CCDC91: variants seen among roughly 807,000 people sequenced by gnomAD.
The protein encoded by CCDC91 is coiled-coil domain containing 91.
In CCDC91, 48 loss-of-function variants were observed where a neutral mutation model predicts 63.2. That is an observed-to-expected ratio of 0.76 (90% CI 0.60 to 0.97). The LOEUF is 0.97. CCDC91 is among the 50% of genes least tolerant of loss of function. CCDC91 has a pLI of 0.00. For synonymous variants in CCDC91, 167 were observed against 165.8 expected, an observed-to-expected ratio of 1.01 and a Z score of -0.06; for missense variants, 500 against 494.6, an observed-to-expected ratio of 1.01 and a Z score of -0.10.
At chr12:28,467,757 G>A (rs1012150113) in intron 11 of CCDC91, among the ~76,000 whole-genome samples, 1 of 151,950 alleles carries the variant, frequency 6.6e-6, no homozygotes, top group African/African-American at 2.4e-5. Context: ...ATAATATCAA[G>A]CATCTTCTCT....
rs558936149 is a variant in CCDC91, at chr12:28,220,144, A to G, written c.-15+29503A>G. ...TTGAGTTTAAATATATCATTTTACT[A>G]TTTGTTTTCCTTTTTTTCCTTCTGC... is the stretch of plus-strand genomic sequence containing the variant. On this transcript the variant is annotated intron_variant, in intron 1 of 12. Transcript: ENST00000536442. Among the ~76,000 whole-genome samples the G allele has an allele frequency of 2.5e-4, 38 of 151,956 alleles. No individual in the cohort carries two copies. In the South Asian group the frequency reaches 7.1e-3, roughly 28 times the overall value.
chr12:28,396,643 TTTGTGTGTGTG>T (rs906121473), intron 8 of CCDC91, among the ~76,000 whole-genome samples: 1 of 6,958 alleles, frequency 1.4e-4, no homozygotes, highest in African/African-American at 2.8e-4. Context: ...TAAAGGAGAT[TTTGTGTGTGTG>T]TGTGTGTGTG....
intron 6 of CCDC91, among the ~76,000 whole-genome samples, chr12:28,316,502 ATCTT>A (rs1187321601): frequency 7.9e-6 from 1 of 127,232 alleles, no homozygotes; most frequent in Non-Finnish European, 1.7e-5. Context: ...TGAGTTTTTA[ATCTT>A]TCTTTTTATT....
chr12:28,530,941 C>T (rs1317693639), intron 12 of CCDC91, among the ~76,000 whole-genome samples: 1 of 152,114 alleles, frequency 6.6e-6, no homozygotes, highest in East Asian at 1.9e-4. Context: ...CTCTCTCTCA[C>T]CTTCTGTTTG....
intron 1 of CCDC91, among the ~76,000 whole-genome samples, chr12:28,246,557 G>C (rs185877990): frequency 6.6e-6 from 1 of 152,222 alleles, no homozygotes; most frequent in Admixed American, 6.5e-5. Context: ...TCCCATAGAG[G>C]CATGGATTTG....
rs149708376 is a variant in CCDC91, at chr12:28,429,947, C to A, written c.763-20214C>A. 3.5e-3 allele frequency among the ~76,000 whole-genome samples: 537 copies of A among 151,972 alleles called. 7 individuals are homozygous for A. Among genetic ancestry groups the A allele is most frequent in the African/African-American group, 0.013 (520 of 41,508 alleles). On this transcript the variant is annotated intron_variant, in intron 8 of 12. Transcript: ENST00000536442. ...AATCTTTAGTGGAAATTATTTTGAC[C>A]TTTTGTGATTTTGAGTCACTTCATT...
At chr12:28,205,834 C>G (rs11049458) in intron 1 of CCDC91, among the ~76,000 whole-genome samples, 39,583 of 151,964 alleles carry the variant, frequency 0.26, 5,390 homozygotes, top group Non-Finnish European at 0.31. Context: ...CTCAAATATA[C>G]AAGTATAGAG....
intron 1 of CCDC91, among the ~76,000 whole-genome samples, chr12:28,192,662 T>A (rs1565584015): frequency 1.3e-5 from 2 of 152,210 alleles, no homozygotes; most frequent in Non-Finnish European, 2.9e-5. Flanking sequence ...TTGGTCTCCT[T>A]ACTGTTCCTC....
chr12:28,414,570 T>C (rs1947522506), intron 8 of CCDC91, among the ~76,000 whole-genome samples: 1 of 152,220 alleles, frequency 6.6e-6, no homozygotes, highest in African/African-American at 2.4e-5. Context: ...GGGTGCTTTA[T>C]GCCTGGTCTC....
intron 3 of CCDC91, among the ~76,000 whole-genome samples, chr12:28,280,841 G>A (rs920542590): frequency 6.6e-6 from 1 of 151,448 alleles, no homozygotes; most frequent in Non-Finnish European, 1.5e-5. Flanking sequence ...GCCAGGTATG[G>A]TGGCATGCAT....
intron 1 of CCDC91, chr12:28,255,589 C>A (rs989699572): frequency 1.1e-4 from 16 of 152,094 alleles, no homozygotes; most frequent in African/African-American, 3.9e-4. Context: ...AGGTGCTATA[C>A]GTGGATGACC....
intron 8 of CCDC91, among the ~76,000 whole-genome samples, chr12:28,406,247 T>C (rs138525560): frequency 6.6e-6 from 1 of 151,988 alleles, no homozygotes; most frequent in Non-Finnish European, 1.5e-5. Flanking sequence ...ATCTCTACTT[T>C]TAACATTTCT....
chr12:28,496,771 C>T (rs1952306335), intron 12 of CCDC91, among the ~76,000 whole-genome samples: 1 of 150,806 alleles, frequency 6.6e-6, no homozygotes, highest in Non-Finnish European at 1.5e-5. Flanking sequence ...ACAGTTAATG[C>T]CTAAGTTATA....
At chr12:28,393,080 C>T (rs1946049998) in intron 8 of CCDC91, among the ~76,000 whole-genome samples, 1 of 152,138 alleles carries the variant, frequency 6.6e-6, no homozygotes, top group South Asian at 2.1e-4. Context: ...CCATGATTAT[C>T]TTTTCAGAGT....
chr12:28,456,209 G>A (rs73085970), intron 11 of CCDC91, among the ~76,000 whole-genome samples: 1,996 of 152,150 alleles, frequency 0.013, 13 homozygotes, highest in African/African-American at 0.017. Flanking sequence ...ACACGTTTCT[G>A]ACACACAACA....
At chr12:28,250,089 A>G (rs887753848) in intron 1 of CCDC91, among the ~76,000 whole-genome samples, 6 of 152,124 alleles carry the variant, frequency 3.9e-5, no homozygotes, top group Admixed American at 2.6e-4. Context: ...CAGCCTGGGA[A>G]AAGATTGCTA....
At chr12:28,478,940 A>T (rs1363964714) in intron 11 of CCDC91, among the ~76,000 whole-genome samples, 2 of 152,070 alleles carry the variant, frequency 1.3e-5, no homozygotes, top group African/African-American at 2.4e-5. Flanking sequence ...TTAGAATGAC[A>T]TTCATTAAAA....
At chr12:28,472,630 AC>A (rs1950878598) in intron 11 of CCDC91, among the ~76,000 whole-genome samples, 1 of 152,212 alleles carries the variant, frequency 6.6e-6, no homozygotes. Context: ...GAGAGATTCT[AC>A]ATATTTAATC....
chr12:28,215,602 G>A (rs11049467), intron 1 of CCDC91, among the ~76,000 whole-genome samples: 31,232 of 151,780 alleles, frequency 0.21, 4,199 homozygotes, highest in Non-Finnish European at 0.31. Flanking sequence ...TATTCTTTGT[G>A]GTATCCCAAA....
Sources: gnomAD v4.1 joint callset for allele counts (sites outside exome capture counted in the v4.1 genomes callset) on GRCh38, gnomAD v4.1.1 for gene constraint, MANE v1.5 for transcripts, NCBI Gene and HGNC (gene_info 2026-07-23, HGNC 2026-07-21) for gene names.